Variants in CNTN5 observed in about 807,000 individuals in gnomAD.
The protein encoded by CNTN5 is contactin 5, also known as contactin-5.
Under a neutral mutation model 129.1 loss-of-function variants are expected in CNTN5, and 77 were observed. The observed-to-expected ratio is 0.60, with a 90% CI of 0.50 to 0.72. The LOEUF is 0.72. CNTN5 is among the 30% of genes least tolerant of loss of function. The pLI, the probability that CNTN5 is intolerant of heterozygous loss-of-function variation, is 0.00. For missense variants in CNTN5, 1,478 were observed against 1,328.8 expected (o/e 1.11, Z -1.75); for synonymous variants, 509 against 465.6 (o/e 1.09, Z -1.20).
chr11:99,513,710 A>G (rs994093457), intron 2 of CNTN5, among the ~76,000 whole-genome samples: 1 of 148,764 alleles, frequency 6.7e-6, no homozygotes, highest in Non-Finnish European at 1.5e-5. Flanking sequence ...TTTTAAACCC[A>G]CTATTGAGAT....
chr11:99,487,994 T>TC (rs1945882501), intron 2 of CNTN5, among the ~76,000 whole-genome samples: 1 of 152,188 alleles, frequency 6.6e-6, no homozygotes, highest in Non-Finnish European at 1.5e-5. Context: ...AGGATCATTG[T>TC]ATTTAATCCT....
At chr11:100,275,336 T>G (rs1950486466) in intron 18 of CNTN5, among the ~76,000 whole-genome samples, 1 of 152,238 alleles carries the variant, frequency 6.6e-6, no homozygotes, top group African/African-American at 2.4e-5. Flanking sequence ...TAGTTGTTCT[T>G]CATTTTATGT....
At chr11:100,049,722 T>A (rs933257359) in intron 9 of CNTN5, among the ~76,000 whole-genome samples, 1 of 152,046 alleles carries the variant, frequency 6.6e-6, no homozygotes, top group Admixed American at 6.6e-5. Flanking sequence ...CACAACCTAC[T>A]CACCTGACAA....
intron 3 of CNTN5, among the ~76,000 whole-genome samples, chr11:99,583,476 G>A (rs1000005624): frequency 6.6e-6 from 1 of 152,208 alleles, no homozygotes; most frequent in Non-Finnish European, 1.5e-5. Context: ...GCTCCACCCA[G>A]TTTGAGCTTC....
intron 2 of CNTN5, among the ~76,000 whole-genome samples, chr11:99,348,925 C>G (rs995508207): frequency 2.0e-5 from 3 of 152,058 alleles, no homozygotes; most frequent in African/African-American, 7.2e-5. Context: ...CACTCTGTGC[C>G]AAAGGTTCAC....
At chr11:100,119,217 G>A (rs1446347014) in intron 13 of CNTN5, among the ~76,000 whole-genome samples, 1 of 151,890 alleles carries the variant, frequency 6.6e-6, no homozygotes, top group Non-Finnish European at 1.5e-5. Flanking sequence ...CACGATTGCT[G>A]TATTCTCAGC....
intron 1 of CNTN5, among the ~76,000 whole-genome samples, chr11:99,183,249 C>T (rs1280689118): frequency 6.6e-6 from 1 of 152,120 alleles, no homozygotes; most frequent in Non-Finnish European, 1.5e-5. Context: ...GATGAAATTT[C>T]CTCTGATACT....
At chr11:99,473,635 T>G (rs1459479090) in intron 2 of CNTN5, among the ~76,000 whole-genome samples, 1 of 152,082 alleles carries the variant, frequency 6.6e-6, no homozygotes, top group Non-Finnish European at 1.5e-5. Context: ...CTTTAAATTT[T>G]TTTTTAAATT....
chr11:99,261,462 T>C (rs1242256005), intron 1 of CNTN5, among the ~76,000 whole-genome samples: 2 of 152,036 alleles, frequency 1.3e-5, no homozygotes, highest in Admixed American at 6.6e-5. Flanking sequence ...TGAATGTGTT[T>C]TGTTTATCTA....
intron 2 of CNTN5, among the ~76,000 whole-genome samples, chr11:99,532,236 T>C (rs1278809419): frequency 6.6e-6 from 1 of 152,142 alleles, no homozygotes; most frequent in African/African-American, 2.4e-5. Flanking sequence ...CCCGCTGGAT[T>C]TGGGACTTGC....
intron 3 of CNTN5, among the ~76,000 whole-genome samples, chr11:99,612,685 T>C (rs986106038): frequency 1.3e-5 from 2 of 152,216 alleles, no homozygotes; most frequent in African/African-American, 2.4e-5. Context: ...GGCATTATCA[T>C]TTATTAATCT....
chr11:99,344,222 G>A (rs1341706254), intron 2 of CNTN5, among the ~76,000 whole-genome samples: 1 of 152,132 alleles, frequency 6.6e-6, no homozygotes, highest in Non-Finnish European at 1.5e-5. Context: ...ATAACTTGCT[G>A]ATAAGTAAAA....
chr11:99,499,931 G>T (rs1350873492), intron 2 of CNTN5, among the ~76,000 whole-genome samples: 1 of 152,112 alleles, frequency 6.6e-6, no homozygotes, highest in East Asian at 1.9e-4. Context: ...TATAGGCTTT[G>T]GCAAGAGTAT....
intron 3 of CNTN5, among the ~76,000 whole-genome samples, chr11:99,789,353 A>T (rs1193388830): frequency 6.6e-6 from 1 of 151,996 alleles, no homozygotes; most frequent in African/African-American, 2.4e-5. Context: ...CTAATGTAAG[A>T]CAGATAATGA....
chr11:99,140,761 T>C (rs1859472413), intron 1 of CNTN5, among the ~76,000 whole-genome samples: 1 of 152,214 alleles, frequency 6.6e-6, no homozygotes. Context: ...TATTTTGTTT[T>C]TGTTTTTAGT....
chr11:99,592,155 A>G (rs894965766), intron 3 of CNTN5, among the ~76,000 whole-genome samples: 24 of 152,206 alleles, frequency 1.6e-4, no homozygotes, highest in African/African-American at 5.8e-4. Context: ...GTGGTTGGAT[A>G]TATAAGTCTG....
At chr11:100,250,560 T>C (rs1339228117) in intron 16 of CNTN5, among the ~76,000 whole-genome samples, 2 of 152,114 alleles carry the variant, frequency 1.3e-5, no homozygotes, top group African/African-American at 2.4e-5. Flanking sequence ...TACGTGATTA[T>C]TGGGCAATTT....
intron 2 of CNTN5, among the ~76,000 whole-genome samples, chr11:99,484,670 ATGT>A (rs1365814004): frequency 5.9e-5 from 9 of 152,126 alleles, no homozygotes; most frequent in Admixed American, 2.6e-4. Flanking sequence ...AATAAGGAAA[ATGT>A]TGTGTATTAC....
chr11:99,627,801 TG>T (rs765444407), intron 3 of CNTN5, among the ~76,000 whole-genome samples: 5 of 151,734 alleles, frequency 3.3e-5, no homozygotes, highest in Non-Finnish European at 4.4e-5. Context: ...AATAGAGCAC[TG>T]ACAAGTCTTG....
Sources: allele counts gnomAD v4.1 joint callset (sites outside exome capture counted in the v4.1 genomes callset), GRCh38; gene constraint gnomAD v4.1.1; transcripts MANE v1.5; gene names NCBI Gene and HGNC (gene_info 2026-07-23, HGNC 2026-07-21).